Variants in MICAL2 observed in about 807,000 individuals in gnomAD.
MICAL2 encodes microtubule associated monooxygenase, calponin and LIM domain containing 2.
Under a neutral mutation model 127.3 loss-of-function variants are expected in MICAL2, and 77 were observed. The ratio of observed to expected loss-of-function variants is 0.60; its 90% CI spans 0.50 to 0.73. MICAL2 has a LOEUF of 0.73. Ranked by LOEUF, MICAL2 falls within the 30% of genes least tolerant of loss-of-function variation. The pLI is 0.00. For missense variants in MICAL2, 1,351 were observed against 1,434.4 expected (o/e 0.94, Z 0.94); for synonymous variants, 570 against 551.1 (o/e 1.03, Z -0.48).
At chr11:12,143,113 C>T (rs1565028152) in intron 2 of MICAL2, among the ~76,000 whole-genome samples, 1 of 152,160 alleles carries the variant, frequency 6.6e-6, no homozygotes, top group Non-Finnish European at 1.5e-5. Context: ...AAGAGAGCAG[C>T]ACACAGGGAA....
downstream of MICAL2, among the ~76,000 whole-genome samples, chr11:12,295,605 C>G (rs1487042389): frequency 6.6e-6 from 1 of 151,916 alleles, no homozygotes; most frequent in Non-Finnish European, 1.5e-5. Context: ...ATATGTTGCC[C>G]AGGCTGGTCT....
In MICAL2 at chr11:12,208,092, T is replaced by C; in HGVS notation, c.542T>C (p.Val181Ala). Residue 181 changes from valine (V) to alanine (A), a missense_variant, in exon 5 of 28, where the codon GTG (valine) becomes GCG (alanine). By Grantham distance (64) the Val-to-Ala change is moderately conservative. Around this residue, in one of 2 missense-constraint regions of MICAL2, gnomAD observed 599 missense variants for 714.9 expected, o/e 0.84. Coordinates refer to ENST00000683283, the MANE Select transcript of MICAL2 (RefSeq NM_001282663.2). ...CTGGGAGTTGAAATCCATGTGAATG[T>C]GGAGTTCGTGAAGGTTCTAGAGCCT... ...LMLGVEIHVNVEFVKVLEPPE... is the reference protein window; with the variant it reads ...LMLGVEIHVNAEFVKVLEPPE... 6.2e-7 allele frequency: 1 copy of C among 1,614,206 alleles called. No homozygotes were observed. Among genetic ancestry groups the C allele is most frequent in the Non-Finnish European group, 8.5e-7 (1 of 1,180,010 alleles).
At chr11:12,117,796 A>G (rs1039087545) in intron 1 of MICAL2, among the ~76,000 whole-genome samples, 3 of 152,194 alleles carry the variant, frequency 2.0e-5, no homozygotes, top group African/African-American at 7.2e-5. Flanking sequence ...TAAGATCAGG[A>G]TCTCCCTGCT....
chr11:12,195,043 T>C (rs1307267024), intron 3 of MICAL2, among the ~76,000 whole-genome samples: 1 of 152,150 alleles, frequency 6.6e-6, no homozygotes, highest in African/African-American at 2.4e-5. Flanking sequence ...GGCAGGATGA[T>C]CGCTTGAGGG....
chr11:12,244,119 G>A lies in MICAL2; in HGVS notation c.2784+7G>A, dbSNP rs755536548. 37 of 1,614,066 alleles carry A rather than the reference G, an allele frequency of 2.3e-5. No homozygotes were observed. The African/African-American group carries it at 3.6e-4, about 16-fold the overall frequency. The stretch of plus-strand genomic sequence containing the variant: ...TGCTTCTCCTGCCAGAAAGGTAGTT[G>A]TCCTGAACAATTTGCTTTCCCTATT... On this transcript the variant is annotated splice_region_variant and intron_variant, in intron 21 of 27. Coordinates refer to ENST00000683283, the MANE Select transcript of MICAL2 (RefSeq NM_001282663.2).
intron 32 of MICAL2, among the ~76,000 whole-genome samples, chr11:12,345,222 C>A (rs1938935706): frequency 6.6e-6 from 1 of 152,004 alleles, no homozygotes; most frequent in Non-Finnish European, 1.5e-5. Flanking sequence ...CTGTGAAAAA[C>A]AAATGTCATT....
chr11:12,296,149 A>G (rs1414323633), downstream of MICAL2, among the ~76,000 whole-genome samples: 1 of 152,092 alleles, frequency 6.6e-6, no homozygotes, highest in African/African-American at 2.4e-5. Flanking sequence ...GAGACAGTTT[A>G]GCTAAACATT....
intron 3 of MICAL2, among the ~76,000 whole-genome samples, chr11:12,201,999 G>A (rs1481069670): frequency 2.6e-5 from 4 of 152,156 alleles, no homozygotes; most frequent in Admixed American, 6.5e-5. Flanking sequence ...GCACATGCCT[G>A]TAATCCCAGC....
downstream of MICAL2, among the ~76,000 whole-genome samples, chr11:12,266,671 C>A (rs1863613024): frequency 6.6e-6 from 1 of 152,224 alleles, no homozygotes; most frequent in African/African-American, 2.4e-5. Flanking sequence ...ACATTTTCCA[C>A]TGTGAAGGGA....
At chr11:12,217,237 C>A (rs186777678) in intron 8 of MICAL2, among the ~76,000 whole-genome samples, 1 of 152,226 alleles carries the variant, frequency 6.6e-6, no homozygotes, top group Non-Finnish European at 1.5e-5. Flanking sequence ...GGAGCCCAGG[C>A]AGCACGGTGG....
chr11:12,262,721 C>T (rs1012551835), intron 27 of MICAL2, 184 bp downstream of exon 27: 1 of 587,372 alleles, frequency 1.7e-6, no homozygotes, highest in Non-Finnish European at 3.0e-6. Context: ...AGACCCATGC[C>T]TGTGTTCATT....
At chr11:12,126,087 G>A (rs1454561438) in intron 1 of MICAL2, among the ~76,000 whole-genome samples, 2 of 152,210 alleles carry the variant, frequency 1.3e-5, no homozygotes, top group Non-Finnish European at 2.9e-5. Flanking sequence ...CCTGGCATAG[G>A]CCAGCACATG....
intron 29 of MICAL2, among the ~76,000 whole-genome samples, chr11:12,311,284 TA>T (rs1407637763): frequency 2.6e-5 from 4 of 152,220 alleles, no homozygotes; most frequent in Non-Finnish European, 5.9e-5. Flanking sequence ...ACTACCTTTT[TA>T]TGTATCACTG....
downstream of MICAL2, chr11:12,292,176 C>T (rs1014560684): frequency 1.2e-6 from 2 of 1,614,040 alleles, no homozygotes; most frequent in African/African-American, 1.3e-5. Flanking sequence ...ACTATGTCAC[C>T]TCCTAAGGAC....
intron 29 of MICAL2, among the ~76,000 whole-genome samples, chr11:12,316,306 A>T (rs1012940096): frequency 1.3e-5 from 2 of 151,946 alleles, no homozygotes; most frequent in Non-Finnish European, 2.9e-5. Flanking sequence ...CATTAACATG[A>T]GATATCTTTT....
chr11:12,280,441 C>T (rs916996559), intron 1 of MICAL2, among the ~76,000 whole-genome samples: 9 of 152,146 alleles, frequency 5.9e-5, no homozygotes, highest in African/African-American at 2.2e-4. Flanking sequence ...ACAACAGAAA[C>T]GTATTTTCTC....
intron 4 of MICAL2, among the ~76,000 whole-genome samples, chr11:12,204,925 T>A (rs1468952419): frequency 6.6e-6 from 1 of 152,164 alleles, no homozygotes; most frequent in Admixed American, 6.5e-5. Flanking sequence ...GGCCAGATAG[T>A]CAAGACCTTC....
chr11:12,199,831 A>G (rs1860452908), intron 3 of MICAL2, among the ~76,000 whole-genome samples: 1 of 152,114 alleles, frequency 6.6e-6, no homozygotes, highest in Non-Finnish European at 1.5e-5. Flanking sequence ...CGCCGAGCTT[A>G]TCTATACAAT....
chr11:12,234,608 C>G (rs1027447398), intron 15 of MICAL2, among the ~76,000 whole-genome samples: 1 of 152,200 alleles, frequency 6.6e-6, no homozygotes, highest in Non-Finnish European at 1.5e-5. Context: ...TTGTTTTGTG[C>G]TGCCTGGGGC....
Sources: gnomAD v4.1 joint callset for allele counts (sites outside exome capture counted in the v4.1 genomes callset) on GRCh38, gnomAD v4.1.1 for gene constraint, gnomAD v4.1.1 regional missense constraint, MANE v1.5 for transcripts, NCBI Gene and HGNC (gene_info 2026-07-23, HGNC 2026-07-21) for gene names.